Variants in PDZK1 observed in about 807,000 individuals in gnomAD.
PDZK1 encodes the protein Na(+)/H(+) exchange regulatory cofactor NHE-RF3.
A neutral mutation model predicts 38.1 loss-of-function variants in PDZK1; 23 were observed. The ratio of observed to expected loss-of-function variants is 0.60; its 90% confidence interval spans 0.43 to 0.85. PDZK1 has a LOEUF of 0.85. Among genes scored for constraint, PDZK1 ranks in the 40% least tolerant of loss-of-function variants. PDZK1 has a pLI of 0.00. For missense variants in PDZK1, 297 were observed against 504.3 expected, an observed-to-expected ratio of 0.59 and a Z score of 3.94; for synonymous variants, 98 against 186.2, an observed-to-expected ratio of 0.53 and a Z score of 3.86.
At chr1:145,679,714 T>C (rs1654047071) in intron 5 of PDZK1, among the ~76,000 whole-genome samples, 1 of 152,212 alleles carries the variant, frequency 6.6e-6, no homozygotes, top group Admixed American at 6.5e-5. Context: ...TCTTGCATAA[T>C]TGTTAGGAGT....
Position 145,672,611 on chromosome 1 carries a change from C to T in PDZK1, c.1506+119G>A, listed in dbSNP as rs1653189005. The T allele has an allele frequency of 2.3e-6, 3 of 1,321,548 alleles. No individual in the cohort carries two copies. The East Asian group carries it at 7.3e-5, about 32-fold the overall frequency. The allele number at this position is 1,321,548 out of a possible 1,614,324, so 81.9% of individuals were successfully genotyped here. ...TAACTTGATTTGTTAGTTATCTTTA[C>T]ATTTTCATTTTCTAGTTTTAAAAAA... On this transcript the variant is annotated intron_variant, in intron 8 of 8. Transcript: ENST00000417171.
rs1035230451 is a variant in PDZK1 at position 145,707,367 on chromosome 1, C to G, written c.-53G>C. On this transcript the variant is annotated 5_prime_UTR_variant, in exon 1 of 9. Transcript: ENST00000417171. ...GTTCGTTCACTCAGGAATTCTGTCT[C>G]TGCAGGTGAGCATTAAGCTTGCAAC... The G allele has an allele frequency of 6.6e-6, 1 of 152,358 alleles. No homozygotes were observed. The highest frequency in any genetic ancestry group is 2.4e-5 in the African/African-American group (1 of 41,474). 9.4% of individuals were successfully genotyped at this position (152,358 alleles called of 1,614,324 possible).
chr1:145,688,646 G>C (rs1431954512), intron 1 of PDZK1, among the ~76,000 whole-genome samples: 1 of 152,084 alleles, frequency 6.6e-6, no homozygotes, highest in Non-Finnish European at 1.5e-5. Context: ...GGTGAGGTAG[G>C]ACAGGACAAG....
Position 145,672,767 on chromosome 1 carries a change from A to G in PDZK1, c.1469T>C (p.Val490Ala). 1 of 1,611,910 alleles carries G rather than the reference A, an allele frequency of 6.2e-7. No individual in the cohort carries two copies. Among genetic ancestry groups the G allele is most frequent in the Non-Finnish European group, 8.5e-7 (1 of 1,179,792 alleles). ...TPPDSKEGIV[V>A]ESNHDSHMAK... is the part of the protein sequence containing the mutation. The stretch of plus-strand genomic sequence containing the variant: ...CATGTGCGAGTCATGGTTTGACTCC[A>G]CCACTATTCCTTCTTTAGAATCTGG... The change falls in exon 8 of 9, where the codon GTG becomes GCG. Residue 490 changes from valine (V) to alanine (A), a missense_variant. By Grantham distance (64) the Val-to-Ala change is moderately conservative. Transcript: ENST00000417171.
intron 5 of PDZK1, among the ~76,000 whole-genome samples, chr1:145,679,269 A>G (rs587732202): frequency 2.0e-5 from 3 of 151,872 alleles, no homozygotes; most frequent in African/African-American, 7.3e-5. Context: ...AATGTATTCA[A>G]GCCAAAAATC....
At chr1:145,698,926 G>A (rs1251243390) in intron 1 of PDZK1, among the ~76,000 whole-genome samples, 4 of 148,524 alleles carry the variant, frequency 2.7e-5, no homozygotes, top group African/African-American at 7.5e-5. Context: ...GCGACAGAAC[G>A]AGAGTCTGCC....
chr1:145,702,317 T>C (rs1215883466), intron 1 of PDZK1, among the ~76,000 whole-genome samples: 2 of 152,032 alleles, frequency 1.3e-5, no homozygotes, highest in African/African-American at 2.4e-5. Context: ...AAGAGTTCTA[T>C]GAGTTGGGAG....
chr1:145,688,096 T>C, intron 1 of PDZK1, 73 bp from the exon 2 acceptor site: 2 of 1,262,036 alleles, frequency 1.6e-6, no homozygotes, highest in Non-Finnish European at 2.3e-6. Flanking sequence ...CCATCCTCCA[T>C]CTCCTATAAT....
intron 1 of PDZK1, among the ~76,000 whole-genome samples, chr1:145,696,439 T>C (rs1443464615): frequency 6.6e-6 from 1 of 152,106 alleles, no homozygotes; most frequent in Non-Finnish European, 1.5e-5. Context: ...GACAGGAACT[T>C]TAAAGAAGTA....
intron 6 of PDZK1, among the ~76,000 whole-genome samples, chr1:145,677,518 TAA>T (rs1215618384): frequency 7.7e-5 from 11 of 143,118 alleles, no homozygotes; most frequent in African/African-American, 2.8e-4. Context: ...TTCAAGTAGC[TAA>T]AAAAAAAAAG....
At chr1:145,677,479 T>A (rs587746904) in intron 6 of PDZK1, among the ~76,000 whole-genome samples, 32 of 151,208 alleles carry the variant, frequency 2.1e-4, no homozygotes, top group African/African-American at 7.3e-4. Context: ...ATATTCAGGT[T>A]GATATCAAGT....
chr1:145,694,895 CAAAAAAAAAAAAAAA>C (rs10657290), intron 1 of PDZK1, among the ~76,000 whole-genome samples: 10 of 39,792 alleles, frequency 2.5e-4, no homozygotes, highest in Admixed American at 2.2e-3. Context: ...GACTCTGTCT[CAAAAAAAAAAAAAAA>C]AAAAAAAAAA....
intron 1 of PDZK1, among the ~76,000 whole-genome samples, chr1:145,704,423 C>G (rs1316326920): frequency 6.6e-6 from 1 of 152,204 alleles, no homozygotes; most frequent in Non-Finnish European, 1.5e-5. Context: ...TCCTGCCATT[C>G]CCTGGGTTCC....
rs1400712534 is a variant in PDZK1, at chr1:145,686,461, C to T, written c.460+16G>A. 2.5e-6 allele frequency: 4 copies of T among 1,610,942 alleles called. No individual in the cohort carries two copies. The African/African-American group carries it at 5.3e-5, about 22-fold the overall frequency. ...GCCCTGCCCCTGCCTCCCCCTGCTC[C>T]CCAAAAAATTCTCACCTTGGACAGT... is the stretch of plus-strand genomic sequence containing the variant. On this transcript the variant is annotated intron_variant, in intron 3 of 8. Transcript: ENST00000417171.
At chr1:145,685,673 C>T (rs1481443600) in intron 3 of PDZK1, among the ~76,000 whole-genome samples, 2 of 152,152 alleles carry the variant, frequency 1.3e-5, no homozygotes, top group Non-Finnish European at 2.9e-5. Flanking sequence ...ACCACCAGTG[C>T]TTCTCCAGCC....
intron 1 of PDZK1, among the ~76,000 whole-genome samples, chr1:145,703,892 G>C (rs1201571518): frequency 6.6e-6 from 1 of 151,868 alleles, no homozygotes; most frequent in Admixed American, 6.6e-5. Flanking sequence ...GCAGTGGTGC[G>C]ATCTCGGCTC....
chr1:145,687,629 C>A (rs956114435), intron 2 of PDZK1, among the ~76,000 whole-genome samples, 183 bp downstream of exon 2: 19 of 151,266 alleles, frequency 1.3e-4, no homozygotes, highest in Non-Finnish European at 2.7e-4. Flanking sequence ...GTAATGTGTA[C>A]AGTTCTTGGT....
chr1:145,686,114 G>A (rs1553701606), intron 3 of PDZK1, among the ~76,000 whole-genome samples: 1 of 152,090 alleles, frequency 6.6e-6, no homozygotes, highest in Non-Finnish European at 1.5e-5. Flanking sequence ...CATTTTTCTT[G>A]CCTTTTATTC....
chr1:145,685,978 A>G (rs1384352561), intron 3 of PDZK1, among the ~76,000 whole-genome samples: 1 of 152,208 alleles, frequency 6.6e-6, no homozygotes, highest in Non-Finnish European at 1.5e-5. Context: ...TATTCTCAGC[A>G]AAGGTAACAG....
Sources: gnomAD v4.1 joint callset for allele counts (sites outside exome capture counted in the v4.1 genomes callset) on GRCh38, gnomAD v4.1.1 for gene constraint, MANE v1.5 for transcripts, NCBI Gene and HGNC (gene_info 2026-07-23, HGNC 2026-07-21) for gene names.